Variants in KAT6B observed in about 807,000 individuals in gnomAD.
KAT6B encodes the protein lysine acetyltransferase 6B, also known as histone acetyltransferase KAT6B.
In KAT6B, 10 loss-of-function variants were observed where a neutral mutation model predicts 187.5. That is an observed-to-expected ratio of 0.05 (90% CI 0.03 to 0.09). The LOEUF is 0.09. Among genes scored for constraint, KAT6B ranks in the 10% least tolerant of loss-of-function variants. KAT6B has a pLI of 1.00. For missense variants in KAT6B, 1,952 were observed against 2,558.9 expected (o/e 0.76, Z 5.12); for synonymous variants, 861 against 926.8 (o/e 0.93, Z 1.29).
intron 3 of KAT6B, among the ~76,000 whole-genome samples, chr10:74,897,607 A>G (rs745977433): frequency 1.3e-5 from 2 of 152,224 alleles, no homozygotes; most frequent in Non-Finnish European, 2.9e-5. Flanking sequence ...CAAGGCATGT[A>G]GTTTGCATCC....
Position 74,976,544 on chromosome 10 carries a change from A to G in KAT6B, c.1993+214A>G, listed in dbSNP as rs539279771. 300 of 606,648 alleles carry G rather than the reference A, an allele frequency of 4.9e-4. 8 individuals are homozygous for G. The South Asian group carries it at 5.6e-3, about 11-fold the overall frequency. The allele number at this position is 606,648 out of a possible 1,614,324, so 37.6% of individuals were successfully genotyped here. ...TTGTTTTTCCAACTAATACTCTCCC[A>G]CCTTTTATTATTTATTTCCATTCGT... is the stretch of plus-strand genomic sequence containing the variant. On this transcript the variant is annotated intron_variant, in intron 8 of 17. Coordinates refer to ENST00000287239, the MANE Select transcript of KAT6B (RefSeq NM_012330.4).
chr10:75,009,163 T>C (rs1844423697), intron 13 of KAT6B, among the ~76,000 whole-genome samples: 1 of 152,256 alleles, frequency 6.6e-6, no homozygotes. Flanking sequence ...CCTTGCAATG[T>C]AGCATATTGA....
In KAT6B at chr10:74,927,025, A is replaced by G. The variant is rs544855124; in HGVS notation, c.622-32945A>G. Among the ~76,000 whole-genome samples the G allele has an allele frequency of 1.7e-4, 26 of 152,352 alleles. No homozygotes were observed. In the East Asian group the frequency reaches 4.8e-3, roughly 28 times the overall value. On this transcript the variant is annotated intron_variant, in intron 3 of 17. Transcript: ENST00000287239. Reference sequence around the variant, plus strand: ...TGGAATCATCACAATGTTGATCATCACAATCAACATTATTATTACTGCACC... The same window carrying G: ...TGGAATCATCACAATGTTGATCATCGCAATCAACATTATTATTACTGCACC...
Position 75,024,978 on chromosome 10 carries a change from G to T in KAT6B, c.3393G>T (p.Lys1131Asn). 6.2e-7 allele frequency: 1 copy of T among 1,614,116 alleles called. No individual in the cohort carries two copies. The highest frequency in any genetic ancestry group is 1.1e-5 in the South Asian group (1 of 91,064). Residue 1131 changes from lysine (K) to asparagine (N), a missense_variant, in exon 17 of 18, where the codon AAG becomes AAT. Coordinates refer to ENST00000287239, the MANE Select transcript of KAT6B (RefSeq NM_012330.4). The stretch of plus-strand genomic sequence containing the variant: ...TTCAGAGGCCTTTTGTACTAAAGAA[G>T]AAAAGGGGTCGTAAACGCAGGAGGA... The part of the protein sequence containing the change: ...IKRKRPFVLK[K>N]KRGRKRRRIN...
chr10:75,030,383 A>G lies in KAT6B; in HGVS notation c.5559A>G (p.Leu1853=), dbSNP rs1399445385. ...YANSASLSTP[L]SNTGLVQLSQ... ...ACAGTGCCTCTTTGTCCACACCATT[A>G]AGTAACACAGGGCTTGTTCAACTTT... Residue 1853 remains leucine (L), a synonymous_variant, in exon 18 of 18, where the codon TTA becomes TTG. Transcript: ENST00000287239. The surrounding 1 kb of genome is among the most constrained non-coding windows in gnomAD (Gnocchi z 4.8). 1.1e-5 allele frequency: 18 copies of G among 1,614,010 alleles called. No homozygotes were observed. The East Asian group carries it at 3.8e-4, about 34-fold the overall frequency.
Position 74,976,148 on chromosome 10 carries a change from C to A in KAT6B, c.1811C>A (p.Ser604Tyr). Reference protein sequence around the residue: ...RSRFISHSSSSSWGMARGSIF... With the variant: ...RSRFISHSSSYSWGMARGSIF... ...CGGTTTATTTCTCACTCCTCCTCCT[C>A]TAGCTGGGGGATGGCTAGAGGAAGT... The change falls in exon 8 of 18, where the codon TCT becomes TAT. Residue 604 changes from serine (S) to tyrosine (Y), a missense_variant. Ser to Tyr is a moderately radical substitution (Grantham distance 144). Coordinates refer to ENST00000287239, the MANE Select transcript of KAT6B (RefSeq NM_012330.4). The A allele has an allele frequency of 2.5e-6, 4 of 1,614,210 alleles. No individual in the cohort carries two copies. Among genetic ancestry groups the A allele is most frequent in the Non-Finnish European group, 3.4e-6 (4 of 1,180,024 alleles).
At chr10:75,002,992 T>C (rs1293166208) in intron 13 of KAT6B, 1 of 152,250 alleles carries the variant, frequency 6.6e-6, no homozygotes, top group Non-Finnish European at 1.5e-5. Context: ...TCCCTTCTAG[T>C]GTGTGATTCT....
chr10:74,841,078 A>G (rs935985205), intron 2 of KAT6B, among the ~76,000 whole-genome samples: 1 of 152,234 alleles, frequency 6.6e-6, no homozygotes, highest in African/African-American at 2.4e-5. Flanking sequence ...TAATGTGTTT[A>G]TTTAATCCTC....
intron 13 of KAT6B, among the ~76,000 whole-genome samples, chr10:75,000,701 A>G (rs1843770772): frequency 1.3e-5 from 2 of 152,172 alleles, no homozygotes; most frequent in African/African-American, 4.8e-5. Flanking sequence ...GAATAATCAT[A>G]AAAATGTGTC....
intron 3 of KAT6B, among the ~76,000 whole-genome samples, chr10:74,889,275 T>C (rs34262333): frequency 0.047 from 7,174 of 152,326 alleles, 254 homozygotes; most frequent in Non-Finnish European, 0.073. Context: ...TTAGACAAGA[T>C]ATAATTTTAG....
chr10:74,951,941 G>A (rs561046177), intron 3 of KAT6B, among the ~76,000 whole-genome samples: 18 of 152,238 alleles, frequency 1.2e-4, no homozygotes, highest in African/African-American at 3.6e-4. Context: ...TTTGAAGCTG[G>A]GGCTACAGCA....
At chr10:74,918,042 A>T (rs965654862) in intron 3 of KAT6B, among the ~76,000 whole-genome samples, 7 of 152,236 alleles carry the variant, frequency 4.6e-5, no homozygotes, top group African/African-American at 1.7e-4. Flanking sequence ...TTCATACTTA[A>T]TGAGCATTTA....
chr10:74,922,415 G>A (rs550781679), intron 3 of KAT6B, among the ~76,000 whole-genome samples: 11 of 151,794 alleles, frequency 7.2e-5, no homozygotes, highest in African/African-American at 2.7e-4. Flanking sequence ...CTAAAAGAAA[G>A]GAAAAAAAGA....
At chr10:74,946,450 T>C (rs139908520) in intron 3 of KAT6B, among the ~76,000 whole-genome samples, 46 of 152,330 alleles carry the variant, frequency 3.0e-4, no homozygotes, top group African/African-American at 8.9e-4. Context: ...TTCATAGTGA[T>C]TTTTAAAATT....
At chr10:74,962,804 G>C (rs963054162) in intron 4 of KAT6B, among the ~76,000 whole-genome samples, 4 of 151,832 alleles carry the variant, frequency 2.6e-5, no homozygotes, top group African/African-American at 9.7e-5. Context: ...TTTTAAAGGG[G>C]CTCGATGCTT....
intron 12 of KAT6B, 91 bp downstream of exon 12, chr10:74,985,332 A>T: frequency 1.6e-6 from 2 of 1,227,542 alleles, no homozygotes; most frequent in Admixed American, 3.6e-5. Context: ...TCATTACTAT[A>T]ATTTGAATAA....
At chr10:75,022,286 A>G in intron 16 of KAT6B, 55 bp downstream of exon 16, 1 of 1,582,346 alleles carries the variant, frequency 6.3e-7, no homozygotes, top group Non-Finnish European at 8.7e-7. Context: ...CTTATTTGTC[A>G]TTGCAGACAT....
At chr10:74,864,678 A>AT (rs1843430981) in intron 3 of KAT6B, among the ~76,000 whole-genome samples, 1 of 152,114 alleles carries the variant, frequency 6.6e-6, no homozygotes, top group Admixed American at 6.5e-5. Context: ...AGTAGCTGGG[A>AT]TTATAGGCAT....
intron 3 of KAT6B, among the ~76,000 whole-genome samples, chr10:74,914,077 T>C (rs745469024): frequency 3.3e-5 from 5 of 151,962 alleles, no homozygotes; most frequent in Admixed American, 6.6e-5. Context: ...TCCCAGCTAC[T>C]TGGGAGGCTG....
Sources: allele counts gnomAD v4.1 joint callset (sites outside exome capture counted in the v4.1 genomes callset), GRCh38; gene constraint gnomAD v4.1.1; non-coding constraint Gnocchi (gnomAD v3.1); transcripts MANE v1.5; gene names NCBI Gene and HGNC (gene_info 2026-07-23, HGNC 2026-07-21).